SPAG16: variants seen among roughly 807,000 people sequenced by gnomAD.
The protein encoded by SPAG16 is sperm associated antigen 16, also known as sperm-associated antigen 16 protein.
A neutral mutation model predicts 80.4 loss-of-function variants in SPAG16; 86 were observed. The observed-to-expected ratio is 1.07, with a 90% CI of 0.90 to 1.28. The LOEUF (loss-of-function observed/expected upper bound fraction) is 1.28, where lower values mean the gene tolerates loss of function less well. Ranked by LOEUF, SPAG16 falls within the 50% of genes most tolerant of loss-of-function variation. The probability of loss-of-function intolerance (pLI) is 0.00; values close to 1 mark genes in which losing one functional copy is unlikely to be tolerated. For synonymous variants in SPAG16, 294 were observed against 265.9 expected, an observed-to-expected ratio of 1.11 and a Z score of -1.03; for missense variants, 870 against 765.3, an observed-to-expected ratio of 1.14 and a Z score of -1.61.
chr2:214,211,522 C>T (rs920154248), intron 15 of SPAG16, among the ~76,000 whole-genome samples: 36 of 152,290 alleles, frequency 2.4e-4, no homozygotes, highest in African/African-American at 8.4e-4. Context: ...ACACTGATAT[C>T]TGAGAGGTCT....
chr2:214,226,407 G>A (rs551085513), intron 15 of SPAG16, among the ~76,000 whole-genome samples: 1 of 152,092 alleles, frequency 6.6e-6, no homozygotes, highest in Non-Finnish European at 1.5e-5. Context: ...GGGGGTAAAA[G>A]GTCTCTGATT....
At chr2:213,311,803 T>G (rs1034706838) in intron 4 of SPAG16, among the ~76,000 whole-genome samples, 1 of 151,572 alleles carries the variant, frequency 6.6e-6, no homozygotes, top group Non-Finnish European at 1.5e-5. Flanking sequence ...TTTTTTATCA[T>G]TTTTACCACA....
intron 15 of SPAG16, among the ~76,000 whole-genome samples, chr2:214,369,865 TTAA>T (rs1156810699): frequency 1.3e-5 from 2 of 152,156 alleles, no homozygotes; most frequent in Non-Finnish European, 2.9e-5. Context: ...TTCTCTGGCA[TTAA>T]TAATCTCTCA....
intron 10 of SPAG16, among the ~76,000 whole-genome samples, chr2:213,795,180 C>A (rs1469806688): frequency 6.6e-6 from 1 of 152,116 alleles, no homozygotes; most frequent in Non-Finnish European, 1.5e-5. Context: ...GTGAGATAAA[C>A]TCTGTAAATC....
intron 10 of SPAG16, among the ~76,000 whole-genome samples, chr2:213,509,026 TCA>T (rs1363417273): frequency 1.5e-4 from 22 of 151,330 alleles, no homozygotes; most frequent in African/African-American, 4.9e-4. Context: ...AGATGGAGTC[TCA>T]CTCTTTCACC....
At chr2:214,242,367 C>G (rs74462857) in intron 15 of SPAG16, among the ~76,000 whole-genome samples, 3,430 of 152,206 alleles carry the variant, frequency 0.023, 85 homozygotes, top group African/African-American at 0.059. Flanking sequence ...TACAGTTTTT[C>G]CTTGTCAAAA....
rs1035974272 is a variant in SPAG16 at position 213,572,724 on chromosome 2, T to C, written c.1070+82634T>C. ...GTGCCCTGCCCCCAGAGGTGGAGCC[T>C]ACAGAGGCAGGCAGGCCTCCTTGAG... On this transcript the variant is annotated intron_variant, in intron 10 of 15. Transcript: ENST00000331683. Among the ~76,000 whole-genome samples, 578 of 152,136 alleles carry C rather than the reference T, an allele frequency of 3.8e-3. 5 individuals are homozygous for C. The highest frequency in any genetic ancestry group is 0.013 in the African/African-American group (547 of 41,526).
chr2:214,273,251 A>C (rs1692175537), intron 15 of SPAG16, among the ~76,000 whole-genome samples: 1 of 152,010 alleles, frequency 6.6e-6, no homozygotes, highest in Non-Finnish European at 1.5e-5. Context: ...TTGCCTGTTC[A>C]CTCTAATGGT....
intron 10 of SPAG16, among the ~76,000 whole-genome samples, chr2:213,588,194 A>G (rs1362993852): frequency 3.3e-5 from 5 of 152,200 alleles, no homozygotes; most frequent in Admixed American, 2.0e-4. Flanking sequence ...TTTAAGCAAT[A>G]TATTAAGCAT....
intron 10 of SPAG16, among the ~76,000 whole-genome samples, chr2:213,630,109 C>A (rs1453506468): frequency 6.6e-6 from 1 of 152,158 alleles, no homozygotes; most frequent in Non-Finnish European, 1.5e-5. Context: ...TCTGGCTGGG[C>A]ACAGTGGCTC....
intron 11 of SPAG16, among the ~76,000 whole-genome samples, chr2:213,893,575 GT>G (rs1242131473): frequency 1.3e-5 from 2 of 152,220 alleles, no homozygotes; most frequent in African/African-American, 4.8e-5. Flanking sequence ...CAAAATGTAT[GT>G]GTGTGTTGTG....
intron 10 of SPAG16, among the ~76,000 whole-genome samples, chr2:213,833,485 ATT>A (rs1559505949): frequency 0.079 from 239 of 3,016 alleles, 77 homozygotes; most frequent in East Asian, 0.68. Flanking sequence ...TAATATATAT[ATT>A]ATATATAATA....
chr2:213,521,787 A>T (rs1352713385), intron 10 of SPAG16, among the ~76,000 whole-genome samples: 2 of 152,120 alleles, frequency 1.3e-5, no homozygotes, highest in Non-Finnish European at 2.9e-5. Flanking sequence ...CATTTATAGT[A>T]CTCCCATGCT....
At chr2:213,441,483 G>A (rs2070951492) in intron 9 of SPAG16, among the ~76,000 whole-genome samples, 1 of 152,190 alleles carries the variant, frequency 6.6e-6, no homozygotes, top group Admixed American at 6.5e-5. Context: ...AAGAGGTAAA[G>A]GGGTAGTGAC....
At chr2:214,306,486 C>T (rs762107206) in intron 15 of SPAG16, among the ~76,000 whole-genome samples, 4 of 152,272 alleles carry the variant, frequency 2.6e-5, no homozygotes, top group Admixed American at 2.0e-4. Context: ...AGCTTTTGCT[C>T]ATTCAGTATG....
At chr2:213,862,107 A>G (rs2075491545) in intron 10 of SPAG16, among the ~76,000 whole-genome samples, 1 of 152,234 alleles carries the variant, frequency 6.6e-6, no homozygotes, top group African/African-American at 2.4e-5. Flanking sequence ...TTGATGTTCT[A>G]TAGTAACCAT....
At chr2:214,211,917 A>C (rs2058304727) in intron 15 of SPAG16, among the ~76,000 whole-genome samples, 1 of 151,788 alleles carries the variant, frequency 6.6e-6, no homozygotes, top group Non-Finnish European at 1.5e-5. Context: ...AACCCCCAAA[A>C]CTTCCCACTT....
At chr2:213,592,302 C>G (rs1249812635) in intron 10 of SPAG16, among the ~76,000 whole-genome samples, 1 of 152,214 alleles carries the variant, frequency 6.6e-6, no homozygotes, top group Non-Finnish European at 1.5e-5. Flanking sequence ...AAATAAATAT[C>G]TTTATGTCTC....
chr2:213,863,354 T>C (rs912716537), intron 11 of SPAG16, among the ~76,000 whole-genome samples: 2 of 152,194 alleles, frequency 1.3e-5, no homozygotes, highest in African/African-American at 4.8e-5. Flanking sequence ...GAAATTTTGT[T>C]CTTGGGAAGA....
Sources: allele counts gnomAD v4.1 joint callset (sites outside exome capture counted in the v4.1 genomes callset), GRCh38; gene constraint gnomAD v4.1.1; transcripts MANE v1.5; gene names NCBI Gene and HGNC (gene_info 2026-07-23, HGNC 2026-07-21).